Variants in IFT25 observed in about 807,000 individuals in gnomAD.
The protein encoded by IFT25 is intraflagellar transport protein 25 homolog.
chr1:53,942,231 G>GA, the IFT25 span, among the ~76,000 whole-genome samples: 1 of 152,204 alleles, frequency 6.6e-6, no homozygotes, highest in Middle Eastern at 3.4e-3. Flanking sequence ...ACTCAGTTTT[G>GA]AAAAAAATCC....
the IFT25 span, among the ~76,000 whole-genome samples, chr1:53,926,576 CCTGT>C: frequency 3.9e-5 from 6 of 152,010 alleles, no homozygotes; most frequent in African/African-American, 1.2e-4. Flanking sequence ...CCCAATTGTC[CCTGT>C]CTTTTTTAAT....
At chr1:53,944,405 G>A in the IFT25 span, among the ~76,000 whole-genome samples, 1 of 152,106 alleles carries the variant, frequency 6.6e-6, no homozygotes, top group Non-Finnish European at 1.5e-5. Flanking sequence ...AGCACTTTGG[G>A]AGGCCCAGGC....
At chr1:53,922,826 T>G in the IFT25 span, among the ~76,000 whole-genome samples, 1 of 152,198 alleles carries the variant, frequency 6.6e-6, no homozygotes, top group Non-Finnish European at 1.5e-5. Context: ...TGTTCACACA[T>G]TATTATTCTA....
At chr1:53,924,182 A>C in the IFT25 span, among the ~76,000 whole-genome samples, 1 of 152,230 alleles carries the variant, frequency 6.6e-6, no homozygotes, top group Non-Finnish European at 1.5e-5. Flanking sequence ...AAGGAAATGC[A>C]AAGGTCAATT....
chr1:53,937,441 A>G, the IFT25 span, among the ~76,000 whole-genome samples: 1 of 152,156 alleles, frequency 6.6e-6, no homozygotes, highest in East Asian at 1.9e-4. Context: ...TAGTGTCTAC[A>G]ATATACAGTC....
chr1:53,935,169 A>T, the IFT25 span, among the ~76,000 whole-genome samples: 1 of 151,712 alleles, frequency 6.6e-6, no homozygotes, highest in African/African-American at 2.4e-5. Context: ...CAAAAATTAG[A>T]CGGATGTGGT....
chr1:53,918,641 C>T, the IFT25 span, among the ~76,000 whole-genome samples: 1 of 152,154 alleles, frequency 6.6e-6, no homozygotes, highest in Non-Finnish European at 1.5e-5. Flanking sequence ...CTTGCAGTGT[C>T]GCTTTACTTG....
chr1:53,935,707 A>C, the IFT25 span, among the ~76,000 whole-genome samples: 2 of 151,868 alleles, frequency 1.3e-5, no homozygotes, highest in African/African-American at 4.8e-5. Context: ...TTCTGGGCTC[A>C]AGTGATCCTC....
At chr1:53,945,076 A>G in the IFT25 span, among the ~76,000 whole-genome samples, 2 of 152,114 alleles carry the variant, frequency 1.3e-5, no homozygotes. Context: ...ACGGCTTCCA[A>G]GGCAAACCAG....
the IFT25 span, among the ~76,000 whole-genome samples, chr1:53,920,347 T>A: frequency 6.6e-6 from 1 of 152,152 alleles, no homozygotes; most frequent in Admixed American, 6.5e-5. Context: ...ATATATTCAG[T>A]ATGGTTGTAG....
chr1:53,932,746 C>T, the IFT25 span, among the ~76,000 whole-genome samples: 3 of 152,004 alleles, frequency 2.0e-5, no homozygotes, highest in East Asian at 2.0e-4. Context: ...TGTGTTTTTT[C>T]GTAGAGATGG....
chr1:53,928,329 A>C, the IFT25 span: 1 of 1,392,398 alleles, frequency 7.2e-7, no homozygotes, highest in Non-Finnish European at 1.0e-6. Context: ...AAGGAATATT[A>C]TCTACTCCTT....
At chr1:53,945,311 G>A in the IFT25 span, among the ~76,000 whole-genome samples, 13 of 152,310 alleles carry the variant, frequency 8.5e-5, no homozygotes, top group African/African-American at 2.6e-4. Context: ...CCTTTTGGGG[G>A]GTCAAGACGC....
At chr1:53,920,990 C>T in the IFT25 span, among the ~76,000 whole-genome samples, 105 of 152,170 alleles carry the variant, frequency 6.9e-4, no homozygotes, top group African/African-American at 2.4e-3. Context: ...CTGGGCAACA[C>T]GGTGAAACCC....
chr1:53,935,093 A>G, the IFT25 span, among the ~76,000 whole-genome samples: 1 of 152,218 alleles, frequency 6.6e-6, no homozygotes, highest in Non-Finnish European at 1.5e-5. Flanking sequence ...ATGCAGGTGG[A>G]TCATGAGGTC....
chr1:53,929,896 T>C, the IFT25 span: 2 of 1,271,608 alleles, frequency 1.6e-6, no homozygotes, highest in East Asian at 6.1e-5. Context: ...TTCCATGCTA[T>C]AAAGAAAAAC....
the IFT25 span, among the ~76,000 whole-genome samples, chr1:53,916,095 G>A: frequency 6.6e-6 from 1 of 151,828 alleles, no homozygotes; most frequent in Non-Finnish European, 1.5e-5. Context: ...TGAGGTGGGA[G>A]GGTCACCTGA....
the IFT25 span, among the ~76,000 whole-genome samples, chr1:53,939,412 G>C: frequency 6.7e-6 from 1 of 150,306 alleles, no homozygotes; most frequent in East Asian, 1.9e-4. Context: ...AAAAAAAGGA[G>C]TCCTCCCATT....
chr1:53,927,716 G>A, the IFT25 span, among the ~76,000 whole-genome samples: 1 of 152,120 alleles, frequency 6.6e-6, no homozygotes, highest in Non-Finnish European at 1.5e-5. Context: ...GCCTTTCTGG[G>A]GTTTTGTGTG....
Sources: gnomAD v4.1 joint callset for allele counts (sites outside exome capture counted in the v4.1 genomes callset) on GRCh38, gnomAD v4.1.1 for gene constraint, MANE v1.5 for transcripts, NCBI Gene and HGNC (gene_info 2026-07-23, HGNC 2026-07-21) for gene names.